Variants in FZD3 observed in about 807,000 individuals in gnomAD.
The protein encoded by FZD3 is frizzled-3.
FZD3 carries 30 observed loss-of-function variants against 60.7 expected under a neutral mutation model. That is an observed-to-expected ratio of 0.49 (90% CI 0.37 to 0.67). The LOEUF (loss-of-function observed/expected upper bound fraction) is 0.67, where lower values mean the gene tolerates loss of function less well. Ranked by LOEUF, FZD3 falls within the 30% of genes least tolerant of loss-of-function variation. The pLI is 0.00. For synonymous variants in FZD3, 246 were observed against 275.2 expected, an observed-to-expected ratio of 0.89 and a Z score of 1.05; for missense variants, 605 against 838.7, an observed-to-expected ratio of 0.72 and a Z score of 3.44.
At chr8:28,539,183 T>C (rs1805097960) in intron 5 of FZD3, among the ~76,000 whole-genome samples, 3 of 152,152 alleles carry the variant, frequency 2.0e-5, no homozygotes, top group African/African-American at 7.2e-5. Context: ...TTCATCTGTA[T>C]TTACTTCCCA....
At chr8:28,546,638 C>T (rs181341869) in intron 5 of FZD3, among the ~76,000 whole-genome samples, 109 of 152,202 alleles carry the variant, frequency 7.2e-4, no homozygotes, top group African/African-American at 2.3e-3. Context: ...AATCTTCATA[C>T]GTATATTTTT....
chr8:28,497,337 T>C (rs76740710), intron 1 of FZD3, among the ~76,000 whole-genome samples: 4,644 of 152,290 alleles, frequency 0.03, 117 homozygotes, highest in Non-Finnish European at 0.05. Context: ...ATATAAACTT[T>C]CTTGTAGCAA....
chr8:28,501,428 A>G (rs970948932), intron 2 of FZD3, among the ~76,000 whole-genome samples: 1 of 152,154 alleles, frequency 6.6e-6, no homozygotes, highest in Admixed American at 6.5e-5. Context: ...CCCACAATCT[A>G]AGTTATCATA....
chr8:28,543,428 T>C (rs1287567333), intron 5 of FZD3, among the ~76,000 whole-genome samples: 1 of 152,130 alleles, frequency 6.6e-6, no homozygotes, highest in Non-Finnish European at 1.5e-5. Flanking sequence ...TCACCCATGC[T>C]GGAGTGCAGT....
Position 28,494,276 on chromosome 8 carries a change from G to A in FZD3, c.-458G>A, listed in dbSNP as rs1055320459. On this transcript the variant is annotated 5_prime_UTR_variant, in exon 1 of 8. Coordinates refer to ENST00000240093, the MANE Select transcript of FZD3 (RefSeq NM_017412.4). ...CCTCGGCCGCTCCGGGTACCTGAGGGACGCGCGGCCGCCCGCGGCAGGCGG... is the reference window on the plus strand; with the variant it reads ...CCTCGGCCGCTCCGGGTACCTGAGGAACGCGCGGCCGCCCGCGGCAGGCGG... 1.3e-5 allele frequency: 2 copies of A among 148,168 alleles called. No individual in the cohort carries two copies. Among genetic ancestry groups the A allele is most frequent in the African/African-American group, 2.5e-5 (1 of 40,386 alleles). 9.2% of individuals were successfully genotyped at this position (148,168 alleles called of 1,614,324 possible).
chr8:28,507,789 AT>A (rs71222555), intron 3 of FZD3, among the ~76,000 whole-genome samples: 74,244 of 146,696 alleles, frequency 0.51, 19,161 homozygotes, highest in South Asian at 0.63. Context: ...GAACTCAAGG[AT>A]TTTTTTTTTT....
At position 28,532,637 on chromosome 8, in the gene FZD3, AGCCTG is replaced by A. The variant is rs373640597; in HGVS notation, c.1404+4475_1404+4479del. 6.8e-4 allele frequency among the ~76,000 whole-genome samples: 103 copies of A among 151,034 alleles called. 1 individual carries two copies. In the East Asian group the frequency reaches 0.016, roughly 23 times the overall value. ...GAGATGGGGTCTCCCTGTGTTGCCC[AGCCTG>A]GTCTTAAGTGATCCTTCCACCTTGG... is the stretch of plus-strand genomic sequence containing the variant. On this transcript the variant is annotated intron_variant, in intron 5 of 7. Transcript: ENST00000240093.
rs573110949 is a variant in FZD3, at chr8:28,505,769, G to A, written c.189+2567G>A. Among the ~76,000 whole-genome samples the A allele has an allele frequency of 3.3e-5, 5 of 152,298 alleles. No homozygotes were observed. In the East Asian group the frequency reaches 5.8e-4, roughly 18 times the overall value. Reference sequence around the variant, plus strand: ...AAGAGCAGAATCTGGGTTATTTTAAGTTTTATTCACAATCAACAAGTTGGA... The same window carrying A: ...AAGAGCAGAATCTGGGTTATTTTAAATTTTATTCACAATCAACAAGTTGGA... On this transcript the variant is annotated intron_variant, in intron 3 of 7. Transcript: ENST00000240093.
At chr8:28,538,176 A>G (rs917403866) in intron 5 of FZD3, among the ~76,000 whole-genome samples, 7 of 151,316 alleles carry the variant, frequency 4.6e-5, no homozygotes, top group Non-Finnish European at 7.4e-5. Flanking sequence ...TGTTATCACT[A>G]TAATAAATAA....
rs1257327518 is a variant in FZD3, at chr8:28,565,363, A to C, written c.*2352A>C. 1 of 152,224 alleles carries C rather than the reference A, an allele frequency of 6.6e-6. No homozygotes were observed. Among genetic ancestry groups the C allele is most frequent in the Non-Finnish European group, 1.5e-5 (1 of 68,018 alleles). The allele number at this position is 152,224 out of a possible 1,614,324, so 9.4% of individuals were successfully genotyped here. A position where few individuals can be genotyped will look rare whatever the true frequency, so the allele number is the denominator to read the frequency against. ...TTCTCTGAAAGCCAAACATATAACA[A>C]CTTATTTATCAATAATTCATGAAGC... On this transcript the variant is annotated 3_prime_UTR_variant, in exon 8 of 8. Transcript: ENST00000240093.
At chr8:28,531,966 T>C (rs963084476) in intron 5 of FZD3, among the ~76,000 whole-genome samples, 3 of 152,222 alleles carry the variant, frequency 2.0e-5, no homozygotes, top group Non-Finnish European at 4.4e-5. Context: ...TCTAGCAGTT[T>C]CTACAATTTG....
intron 7 of FZD3, among the ~76,000 whole-genome samples, chr8:28,558,452 G>A (rs116081058): frequency 0.037 from 5,358 of 146,714 alleles, 320 homozygotes; most frequent in African/African-American, 0.13. Context: ...TTTTTTTGAG[G>A]CAGAGACTCA....
In FZD3 at chr8:28,568,763, TAAGAC is replaced by T. The variant is rs968077310; in HGVS notation, c.*5754_*5758del. 2.6e-5 allele frequency: 4 copies of T among 152,166 alleles called. No individual in the cohort carries two copies. Among genetic ancestry groups the T allele is most frequent in the Admixed American group, 1.3e-4 (2 of 15,280 alleles). 9.4% of individuals were successfully genotyped at this position (152,166 alleles called of 1,614,324 possible). ...AAACCACTGCATTACTTACTTCCTA[TAAGAC>T]ACAGTAGTTCAATCTGTTGAAAGGC... On this transcript the variant is annotated 3_prime_UTR_variant, in exon 8 of 8. Transcript: ENST00000240093.
intron 1 of FZD3, among the ~76,000 whole-genome samples, chr8:28,495,058 C>G (rs932047379): frequency 6.6e-6 from 1 of 152,234 alleles, no homozygotes; most frequent in African/African-American, 2.4e-5. Flanking sequence ...TGAAATGAAG[C>G]TGCTGTGAAA....
In FZD3 at chr8:28,570,696, A is replaced by G. The variant is rs564126240; in HGVS notation, c.*7685A>G. On this transcript the variant is annotated 3_prime_UTR_variant, in exon 8 of 8. Transcript: ENST00000240093. ...ATATCTCCGCAGAGTTCTCTGGTAG[A>G]TTAAATGTTCTCTGTGCACTAGGCC... 6.6e-6 allele frequency: 1 copy of G among 151,860 alleles called. No homozygotes were observed. Among genetic ancestry groups the G allele is most frequent in the Non-Finnish European group, 1.5e-5 (1 of 68,006 alleles). The allele number at this position is 151,860 out of a possible 1,614,324, so 9.4% of individuals were successfully genotyped here.
At chr8:28,562,148 C>G (rs1805624166) in intron 7 of FZD3, among the ~76,000 whole-genome samples, 1 of 152,128 alleles carries the variant, frequency 6.6e-6, no homozygotes, top group African/African-American at 2.4e-5. Context: ...GATGTAACTT[C>G]CAAGCAGATG....
intron 3 of FZD3, among the ~76,000 whole-genome samples, chr8:28,513,830 G>T (rs1231082816): frequency 6.6e-6 from 1 of 152,160 alleles, no homozygotes; most frequent in Non-Finnish European, 1.5e-5. Context: ...AGTGACAAAG[G>T]TTGGAATTCT....
At chr8:28,513,970 A>T (rs898889463) in intron 3 of FZD3, among the ~76,000 whole-genome samples, 3 of 152,202 alleles carry the variant, frequency 2.0e-5, no homozygotes, top group African/African-American at 7.2e-5. Flanking sequence ...GGAAATTTGA[A>T]AGAAGAAAGA....
intron 7 of FZD3, among the ~76,000 whole-genome samples, chr8:28,559,002 G>T: frequency 6.6e-6 from 1 of 152,182 alleles, no homozygotes; most frequent in East Asian, 1.9e-4. Context: ...GACAGTGAGT[G>T]TTAAAGATAA....
Sources: gnomAD v4.1 joint callset for allele counts (sites outside exome capture counted in the v4.1 genomes callset) on GRCh38, gnomAD v4.1.1 for gene constraint, MANE v1.5 for transcripts, NCBI Gene and HGNC (gene_info 2026-07-23, HGNC 2026-07-21) for gene names.